DYNC2H1: variants seen among roughly 807,000 people sequenced by gnomAD.
DYNC2H1 encodes the protein cytoplasmic dynein 2 heavy chain 1.
In DYNC2H1, 410 loss-of-function variants were observed where a neutral mutation model predicts 570.0. The observed-to-expected ratio is 0.72, with a 90% CI of 0.66 to 0.78. DYNC2H1 has a LOEUF of 0.78. Among genes scored for constraint, DYNC2H1 ranks in the 30% least tolerant of loss-of-function variants. The pLI, the probability that DYNC2H1 is intolerant of heterozygous loss-of-function variation, is 0.00. For synonymous variants in DYNC2H1, 1,688 were observed against 1,677.6 expected (o/e 1.01, Z -0.15); for missense variants, 4,865 against 5,046.4 (o/e 0.96, Z 1.09).
At chr11:103,438,490 G>T (rs1944139924) in intron 85 of DYNC2H1, among the ~76,000 whole-genome samples, 1 of 151,944 alleles carries the variant, frequency 6.6e-6, no homozygotes, top group South Asian at 2.1e-4. Context: ...TCTTAAGAAA[G>T]CATAATGATC....
chr11:103,279,716 C>T (rs576336286), intron 70 of DYNC2H1, among the ~76,000 whole-genome samples: 5 of 152,200 alleles, frequency 3.3e-5, no homozygotes, highest in East Asian at 1.9e-4. Context: ...GTTCTGCTTT[C>T]GTTTTACCTG....
intron 17 of DYNC2H1, among the ~76,000 whole-genome samples, chr11:103,139,049 C>T (rs1450729027): frequency 1.2e-4 from 18 of 150,170 alleles, no homozygotes; most frequent in Middle Eastern, 3.4e-3. Flanking sequence ...TCTGTGGGAT[C>T]GGTGGTGATA....
At position 103,172,836 on chromosome 11, in the gene DYNC2H1, G is replaced by A. The variant is rs631925; in HGVS notation, c.5335-246G>A. 0.91 allele frequency among the ~76,000 whole-genome samples: 138,637 copies of A among 152,004 alleles called. 63,274 individuals carry two copies. The highest frequency in any genetic ancestry group is 0.93 in the Admixed American group (14,150 of 15,262). Reference sequence around the variant, plus strand: ...AACATTCAGCCTCAAAAAACTGATTGTAAATAAACTCTGCAAAGCAGTGTA... The same window carrying A: ...AACATTCAGCCTCAAAAAACTGATTATAAATAAACTCTGCAAAGCAGTGTA... On this transcript the variant is annotated intron_variant, in intron 34 of 88. Transcript: ENST00000375735.
intron 84 of DYNC2H1, among the ~76,000 whole-genome samples, chr11:103,430,509 C>T (rs1362708953): frequency 6.6e-6 from 1 of 151,992 alleles, no homozygotes; most frequent in African/African-American, 2.4e-5. Context: ...ATTGCAGTTT[C>T]GTCTTCCTAA....
At position 103,204,777 on chromosome 11, in the gene DYNC2H1, C is replaced by A; in HGVS notation, c.8312-45C>A. The A allele has an allele frequency of 6.6e-7, 1 of 1,508,380 alleles. No individual in the cohort carries two copies. The highest frequency in any genetic ancestry group is 9.0e-7 in the Non-Finnish European group (1 of 1,112,362). The allele number at this position is 1,508,380 out of a possible 1,614,324, so 93.4% of individuals were successfully genotyped here. A position where few individuals can be genotyped will look rare whatever the true frequency, so the allele number is the denominator to read the frequency against. On this transcript the variant is annotated intron_variant, in intron 51 of 88. Transcript: ENST00000375735. This position sits in a 1 kb window ranked among gnomAD's most constrained non-coding sequence, Gnocchi z 4.1. ...ATTTTGATCTCTTTAACCCAGACCA[C>A]GTATAGATTGCCTGATTGTATTATT...
intron 82 of DYNC2H1, among the ~76,000 whole-genome samples, chr11:103,327,313 C>T (rs1040060701): frequency 2.0e-5 from 3 of 152,044 alleles, no homozygotes; most frequent in Admixed American, 1.3e-4. Context: ...AATGTTTAAA[C>T]TCAAGTTCTA....
At chr11:103,320,481 G>C (rs1247497797) in intron 80 of DYNC2H1, among the ~76,000 whole-genome samples, 2 of 152,194 alleles carry the variant, frequency 1.3e-5, no homozygotes, top group African/African-American at 4.8e-5. Context: ...ATAGAAAGTG[G>C]ATAGTTGACT....
chr11:103,119,044 A>G (rs1020237396), intron 6 of DYNC2H1, among the ~76,000 whole-genome samples: 1 of 152,156 alleles, frequency 6.6e-6, no homozygotes, highest in African/African-American at 2.4e-5. Context: ...TTTTTCTTCA[A>G]CTTTTTGTTA....
chr11:103,447,456 A>C (rs778496560), intron 85 of DYNC2H1, among the ~76,000 whole-genome samples: 6 of 152,180 alleles, frequency 3.9e-5, no homozygotes, highest in Non-Finnish European at 8.8e-5. Context: ...GAGACTTTTC[A>C]GTACGCTACA....
rs993959136 is a variant in DYNC2H1, at chr11:103,261,110, G to A, written c.10695+1133G>A. ...ACAGGATAGTAATTTTTGTGATTTT[G>A]TTGAGGATCTTTATTTGAGATACAG... is the stretch of plus-strand genomic sequence containing the variant. On this transcript the variant is annotated intron_variant, in intron 70 of 88. Coordinates refer to ENST00000375735, the MANE Select transcript of DYNC2H1 (RefSeq NM_001377.3). The surrounding 1 kb of genome is among the most constrained non-coding windows in gnomAD (Gnocchi z 4.8). Among the ~76,000 whole-genome samples, 4 of 152,104 alleles carry A rather than the reference G, an allele frequency of 2.6e-5. No homozygotes were observed. The highest frequency in any genetic ancestry group is 7.2e-5 in the African/African-American group (3 of 41,412).
At chr11:103,115,680 G>A (rs1858351048) in intron 4 of DYNC2H1, among the ~76,000 whole-genome samples, 1 of 151,940 alleles carries the variant, frequency 6.6e-6, no homozygotes. Context: ...CGCCTACTCG[G>A]GAGGCTGAGG....
At chr11:103,366,013 C>T (rs776328018) in intron 83 of DYNC2H1, among the ~76,000 whole-genome samples, 15 of 152,282 alleles carry the variant, frequency 9.9e-5, no homozygotes, top group Non-Finnish European at 1.9e-4. Context: ...ATTGTATAGG[C>T]ATTAAACATG....
intron 60 of DYNC2H1, among the ~76,000 whole-genome samples, chr11:103,233,557 G>A (rs1864096560): frequency 6.6e-6 from 1 of 151,838 alleles, no homozygotes. Context: ...GCTGTGGGGT[G>A]AGGAAGGGTG....
In DYNC2H1 at chr11:103,158,988, C is replaced by T; in HGVS notation, c.4339C>T (p.Pro1447Ser). The T allele has an allele frequency of 6.2e-7, 1 of 1,613,356 alleles. No homozygotes were observed. Among genetic ancestry groups the T allele is most frequent in the Non-Finnish European group, 8.5e-7 (1 of 1,179,696 alleles). ...AGAAATATTGGGCCAGTCTACCAAC[C>T]CATCAGTGATTCAGTCTCACCTGAA... ...LLEILGQSTN[P>S]SVIQSHLKKL... The change falls in exon 28 of 89, where the codon CCA becomes TCA. Residue 1447 changes from proline (P) to serine (S), a missense_variant. This residue lies in a region of DYNC2H1 where 1,936 missense variants were observed against 1,962.1 expected (regional missense o/e 0.99). Coordinates refer to ENST00000375735, the MANE Select transcript of DYNC2H1 (RefSeq NM_001377.3).
chr11:103,178,236 A>T (rs959874597), intron 38 of DYNC2H1, among the ~76,000 whole-genome samples: 1 of 152,158 alleles, frequency 6.6e-6, no homozygotes, highest in Non-Finnish European at 1.5e-5. Flanking sequence ...TTTAAGTGGT[A>T]AAACTGCGGA....
At chr11:103,422,288 C>T (rs667467) in intron 84 of DYNC2H1, among the ~76,000 whole-genome samples, 28,393 of 152,142 alleles carry the variant, frequency 0.19, 2,997 homozygotes, top group Admixed American at 0.26. Context: ...ACCGTTTCTA[C>T]TGCAACTATT....
intron 20 of DYNC2H1, among the ~76,000 whole-genome samples, chr11:103,149,572 G>A (rs1424938822): frequency 1.3e-5 from 2 of 152,260 alleles, no homozygotes; most frequent in East Asian, 3.9e-4. Context: ...GTATTAAAGA[G>A]GGTTTAAAGG....
chr11:103,258,781 G>A (rs914149019), intron 69 of DYNC2H1, among the ~76,000 whole-genome samples: 2 of 152,196 alleles, frequency 1.3e-5, no homozygotes, highest in Non-Finnish European at 2.9e-5. Context: ...GGCTGAAGCA[G>A]TCACAAATCT....
At chr11:103,210,681 C>T (rs555476797) in intron 53 of DYNC2H1, among the ~76,000 whole-genome samples, 50 of 152,114 alleles carry the variant, frequency 3.3e-4, no homozygotes, top group African/African-American at 1.1e-3. Flanking sequence ...ATTGCCCAGA[C>T]GGGCAGCTTG....
Sources: gnomAD v4.1 joint callset for allele counts (sites outside exome capture counted in the v4.1 genomes callset) on GRCh38, gnomAD v4.1.1 for gene constraint, gnomAD v4.1.1 regional missense constraint, Gnocchi (gnomAD v3.1) non-coding constraint, MANE v1.5 for transcripts, NCBI Gene and HGNC (gene_info 2026-07-23, HGNC 2026-07-21) for gene names.